NBEA: variants seen among roughly 807,000 people sequenced by gnomAD.
NBEA encodes the protein lysosomal-trafficking regulator 2.
A neutral mutation model predicts 343.4 loss-of-function variants in NBEA; 44 were observed. The ratio of observed to expected loss-of-function variants is 0.13; its 90% CI spans 0.10 to 0.16. NBEA has a LOEUF of 0.16. Ranked by LOEUF, NBEA falls within the 10% of genes least tolerant of loss-of-function variation. The pLI, the probability that NBEA is intolerant of heterozygous loss-of-function variation, is 1.00. For synonymous variants in NBEA, 1,175 were observed against 1,238.7 expected, an observed-to-expected ratio of 0.95 and a Z score of 1.08; for missense variants, 2,555 against 3,631.3, an observed-to-expected ratio of 0.70 and a Z score of 7.62.
intron 1 of NBEA, among the ~76,000 whole-genome samples, chr13:34,986,484 C>T (rs1017717645): frequency 6.6e-5 from 10 of 150,750 alleles, no homozygotes; most frequent in Admixed American, 2.6e-4. Context: ...ATAAGTGCGA[C>T]GTGTTGCTGA....
chr13:35,650,834 G>A (rs996976810), intron 52 of NBEA, among the ~76,000 whole-genome samples: 1 of 152,170 alleles, frequency 6.6e-6, no homozygotes, highest in Non-Finnish European at 1.5e-5. Flanking sequence ...AGGACTCCCC[G>A]TCTCCAGAGT....
At chr13:35,656,145 C>T (rs1371102583) in intron 55 of NBEA, among the ~76,000 whole-genome samples, 1 of 152,232 alleles carries the variant, frequency 6.6e-6, no homozygotes, top group Admixed American at 6.5e-5. Context: ...AGGGCACTAA[C>T]TGCTATCTAC....
chr13:35,631,350 G>A (rs1204739885), intron 49 of NBEA, among the ~76,000 whole-genome samples: 1 of 152,146 alleles, frequency 6.6e-6, no homozygotes, highest in African/African-American at 2.4e-5. Flanking sequence ...TGCGACTTGA[G>A]AGAGTTGATT....
intron 39 of NBEA, among the ~76,000 whole-genome samples, chr13:35,443,037 C>T (rs1320418189): frequency 6.6e-6 from 1 of 152,030 alleles, no homozygotes; most frequent in Non-Finnish European, 1.5e-5. Flanking sequence ...CCATTTTCTT[C>T]TCTTCTTTCT....
chr13:35,611,229 T>G (rs1051180704), intron 48 of NBEA, among the ~76,000 whole-genome samples: 6 of 152,180 alleles, frequency 3.9e-5, no homozygotes, highest in African/African-American at 7.2e-5. Context: ...AGTACATCAA[T>G]GTTTATAATG....
At chr13:35,226,375 A>G (rs1187171895) in intron 33 of NBEA, among the ~76,000 whole-genome samples, 1 of 152,138 alleles carries the variant, frequency 6.6e-6, no homozygotes, top group Non-Finnish European at 1.5e-5. Context: ...TTCTCCTCAG[A>G]ACTCTCCAGG....
At chr13:35,587,955 TA>T (rs80270713) in intron 46 of NBEA, among the ~76,000 whole-genome samples, 1 of 151,848 alleles carries the variant, frequency 6.6e-6, no homozygotes, top group African/African-American at 2.4e-5. Context: ...CATTTATAAG[TA>T]AAAAAAGAAA....
intron 34 of NBEA, among the ~76,000 whole-genome samples, chr13:35,284,762 A>G (rs1291267107): frequency 1.3e-5 from 2 of 152,176 alleles, no homozygotes; most frequent in East Asian, 3.8e-4. Flanking sequence ...CTTACATGGT[A>G]ACATTGAAAG....
chr13:35,325,255 A>G (rs1047316994), intron 36 of NBEA, among the ~76,000 whole-genome samples: 8 of 152,000 alleles, frequency 5.3e-5, no homozygotes, highest in African/African-American at 7.2e-5. Context: ...AATGGACTTA[A>G]CTTACTAAAG....
At chr13:35,012,508 G>A (rs748600231) in intron 1 of NBEA, among the ~76,000 whole-genome samples, 1 of 152,166 alleles carries the variant, frequency 6.6e-6, no homozygotes, top group Non-Finnish European at 1.5e-5. Flanking sequence ...TCACTTTTGA[G>A]TACTTTACAT....
intron 53 of NBEA, among the ~76,000 whole-genome samples, chr13:35,652,634 C>T (rs1276102645): frequency 7.3e-6 from 1 of 137,116 alleles, no homozygotes; most frequent in African/African-American, 2.6e-5. Flanking sequence ...GAGCGAGACT[C>T]CATCTCAAAA....
chr13:35,541,753 T>TGTGC (rs1308532876), intron 41 of NBEA, among the ~76,000 whole-genome samples: 5 of 151,950 alleles, frequency 3.3e-5, no homozygotes, highest in Non-Finnish European at 7.4e-5. Context: ...TGTGTGTGTG[T>TGTGC]GTGTGTGTAT....
At chr13:35,566,283 C>T (rs1267536159) in intron 44 of NBEA, among the ~76,000 whole-genome samples, 1 of 152,114 alleles carries the variant, frequency 6.6e-6, no homozygotes. Context: ...ATCGCTTGAA[C>T]CCGGGAGGCA....
chr13:35,249,715 A>G (rs2031724203), intron 34 of NBEA, among the ~76,000 whole-genome samples: 1 of 152,224 alleles, frequency 6.6e-6, no homozygotes, highest in Non-Finnish European at 1.5e-5. Context: ...TAGAAATTCC[A>G]GTTCTGGGTT....
chr13:35,215,453 C>T (rs1233298856), intron 33 of NBEA, among the ~76,000 whole-genome samples: 1 of 151,018 alleles, frequency 6.6e-6, no homozygotes, highest in African/African-American at 2.4e-5. Flanking sequence ...GAAGCCAGAC[C>T]AAAAAGAGTA....
At chr13:35,669,325 A>T (rs1201688224) in intron 58 of NBEA, among the ~76,000 whole-genome samples, 1 of 152,262 alleles carries the variant, frequency 6.6e-6, no homozygotes, top group Non-Finnish European at 1.5e-5. Context: ...TTTAACAGAA[A>T]TAAGAAAAGC....
chr13:35,544,783 A>G (rs1378899035), intron 41 of NBEA, among the ~76,000 whole-genome samples: 1 of 152,206 alleles, frequency 6.6e-6, no homozygotes, highest in Admixed American at 6.5e-5. Context: ...AGAAAATCAC[A>G]AAGTTCCATA....
At chr13:35,023,108 G>A (rs979519569) in intron 1 of NBEA, among the ~76,000 whole-genome samples, 1 of 151,964 alleles carries the variant, frequency 6.6e-6, no homozygotes, top group African/African-American at 2.4e-5. Context: ...AGATAATGAA[G>A]ACAAATATAG....
intron 1 of NBEA, among the ~76,000 whole-genome samples, chr13:35,000,593 A>C (rs899340812): frequency 7.4e-5 from 11 of 147,810 alleles, no homozygotes; most frequent in South Asian, 6.4e-4. Flanking sequence ...TAATATATAT[A>C]ACACACACAC....
Sources: gnomAD v4.1 joint callset for allele counts (sites outside exome capture counted in the v4.1 genomes callset) on GRCh38, gnomAD v4.1.1 for gene constraint, MANE v1.5 for transcripts, NCBI Gene and HGNC (gene_info 2026-07-23, HGNC 2026-07-21) for gene names.